NF1: variants seen among roughly 807,000 people sequenced by gnomAD.
The protein encoded by NF1 is neurofibromin 1.
A neutral mutation model predicts 325.7 loss-of-function variants in NF1; 122 were observed. The observed-to-expected ratio is 0.37, with a 90% CI of 0.32 to 0.44. The LOEUF is 0.44. Ranked by LOEUF, NF1 falls within the 20% of genes least tolerant of loss-of-function variation. The pLI, the probability that NF1 is intolerant of heterozygous loss-of-function variation, is 1.00. For missense variants in NF1, 2,140 were observed against 3,415.4 expected, an observed-to-expected ratio of 0.63 and a Z score of 9.31; for synonymous variants, 1,091 against 1,186.0, an observed-to-expected ratio of 0.92 and a Z score of 1.65.
intron 35 of NF1, among the ~76,000 whole-genome samples, chr17:31,263,100 T>C (rs1311670184): frequency 1.1e-5 from 1 of 93,176 alleles, no homozygotes; most frequent in African/African-American, 4.0e-5. Context: ...GGTAGGTAGG[T>C]AGGTAGGTAG....
chr17:31,226,806 G>A lies in NF1; in HGVS notation c.2251+122G>A, dbSNP rs190529255. ...CAGGGGAAATTCAAGTAGCTTACTT[G>A]AAATCCTTTTCTGAACAAAGTAAGA... On this transcript the variant is annotated intron_variant, in intron 18 of 57. Coordinates refer to ENST00000358273, the MANE Select transcript of NF1 (RefSeq NM_001042492.3). 9.8e-6 allele frequency: 13 copies of A among 1,321,852 alleles called. No homozygotes were observed. In the East Asian group the frequency reaches 3.0e-4, roughly 30 times the overall value. 81.9% of individuals were successfully genotyped at this position (1,321,852 alleles called of 1,614,324 possible).
At chr17:31,351,421 T>G (rs1238026879) in intron 50 of NF1, among the ~76,000 whole-genome samples, 1 of 152,184 alleles carries the variant, frequency 6.6e-6, no homozygotes, top group Non-Finnish European at 1.5e-5. Flanking sequence ...TATTTTTCTT[T>G]ATTAATTTTT....
At chr17:31,130,362 A>G (rs932720553) in intron 1 of NF1, among the ~76,000 whole-genome samples, 1 of 152,102 alleles carries the variant, frequency 6.6e-6, no homozygotes, top group African/African-American at 2.4e-5. Flanking sequence ...TGGCAGTGGA[A>G]TCAATTCTTG....
chr17:31,296,484 C>A, intron 36 of NF1: 2 of 751,942 alleles, frequency 2.7e-6, no homozygotes, highest in South Asian at 1.5e-5. Context: ...ACTAACAAAG[C>A]TCCCCTTCAT....
chr17:31,130,084 GT>G (rs57737463), intron 1 of NF1, among the ~76,000 whole-genome samples: 11 of 138,418 alleles, frequency 7.9e-5, no homozygotes, highest in South Asian at 2.2e-4. Context: ...GTTTTTTTTT[GT>G]TTTTTTTTTT....
intron 47 of NF1, among the ~76,000 whole-genome samples, chr17:31,340,857 AAAAC>A (rs1168245443): frequency 6.6e-6 from 1 of 151,512 alleles, no homozygotes; most frequent in Non-Finnish European, 1.5e-5. Context: ...CAAAAAAAAA[AAAAC>A]AAAAAAAAAA....
intron 2 of NF1, among the ~76,000 whole-genome samples, 174 bp from the exon 3 acceptor site, chr17:31,158,836 T>A (rs1420508742): frequency 6.6e-6 from 1 of 152,150 alleles, no homozygotes; most frequent in African/African-American, 2.4e-5. Context: ...CCTTAGACTT[T>A]AGTTTTTATG....
intron 8 of NF1, among the ~76,000 whole-genome samples, chr17:31,186,830 G>T (rs1394689551): frequency 6.6e-6 from 1 of 152,210 alleles, no homozygotes; most frequent in Non-Finnish European, 1.5e-5. Flanking sequence ...TAGCAACGTG[G>T]ACTTCACTCA....
intron 1 of NF1, among the ~76,000 whole-genome samples, chr17:31,126,183 C>T (rs1190563505): frequency 6.6e-6 from 1 of 150,612 alleles, no homozygotes; most frequent in Non-Finnish European, 1.5e-5. Flanking sequence ...AGCGACACTT[C>T]GTCTAAAAAA....
chr17:31,236,203 A>G (rs1225225423), intron 29 of NF1, among the ~76,000 whole-genome samples, 182 bp downstream of exon 29: 1 of 151,996 alleles, frequency 6.6e-6, no homozygotes, highest in East Asian at 1.9e-4. Flanking sequence ...TTTTTAAGGT[A>G]TCCTTTTATT....
At position 31,241,129 on chromosome 17, in the gene NF1, C is replaced by T. The variant is rs528139020; in HGVS notation, c.3974+5108C>T. Among the ~76,000 whole-genome samples, 15 of 152,290 alleles carry T rather than the reference C, an allele frequency of 9.8e-5. No individual in the cohort carries two copies. The East Asian group carries it at 1.7e-3, about 18-fold the overall frequency. ...CTGACCTCAAGCAATCCACCCGCCTCGGTCTCCCAAAGTGCTGAGATTACA... is the reference window on the plus strand; with the variant it reads ...CTGACCTCAAGCAATCCACCCGCCTTGGTCTCCCAAAGTGCTGAGATTACA... On this transcript the variant is annotated intron_variant, in intron 29 of 57. Transcript: ENST00000358273.
chr17:31,284,977 G>A (rs996005649), intron 36 of NF1, among the ~76,000 whole-genome samples: 6 of 152,052 alleles, frequency 3.9e-5, no homozygotes, highest in South Asian at 2.1e-4. Flanking sequence ...AAAATTAGCC[G>A]GGCATGCTTT....
chr17:31,328,913 T>C (rs2069413249), intron 38 of NF1, among the ~76,000 whole-genome samples: 1 of 152,234 alleles, frequency 6.6e-6, no homozygotes, highest in Non-Finnish European at 1.5e-5. Flanking sequence ...CTGTGACACC[T>C]GTCCTGGGTT....
intron 36 of NF1, among the ~76,000 whole-genome samples, chr17:31,287,243 AG>A (rs1486046645): frequency 6.6e-6 from 1 of 152,248 alleles, no homozygotes; most frequent in Non-Finnish European, 1.5e-5. Flanking sequence ...TACAAAGGAT[AG>A]TAATCATTAA....
intron 36 of NF1, among the ~76,000 whole-genome samples, chr17:31,287,859 C>T (rs192194150): frequency 1.9e-4 from 28 of 146,188 alleles, no homozygotes; most frequent in African/African-American, 7.1e-4. Flanking sequence ...CATATTCTCA[C>T]TCATAGGTGG....
chr17:31,106,000 C>T (rs936074199), intron 1 of NF1, among the ~76,000 whole-genome samples: 5 of 152,112 alleles, frequency 3.3e-5, no homozygotes, highest in Non-Finnish European at 7.3e-5. Context: ...CAGATAATGA[C>T]CTTTTGGGAA....
rs137966859 is a variant in NF1 at position 31,343,033 on chromosome 17, A to G, written c.7087A>G (p.Ile2363Val). The G allele has an allele frequency of 4.3e-6, 7 of 1,614,112 alleles. No homozygotes were observed. Among genetic ancestry groups the G allele is most frequent in the East Asian group, 2.2e-5 (1 of 44,864 alleles). The change falls in exon 48 of 58, where the codon ATC becomes GTC. Residue 2363 changes from isoleucine (I) to valine (V), a missense_variant. Ile to Val is a conservative substitution (Grantham distance 29). Coordinates refer to ENST00000358273, the MANE Select transcript of NF1 (RefSeq NM_001042492.3). ...DKSPEEVFMAIRNPLEWHCKQ... is the reference protein window; with the variant it reads ...DKSPEEVFMAVRNPLEWHCKQ... ...GAGTCCAGAGGAAGTATTTATGGCA[A>G]TCCGGAATCCTCTGGAGTGGCACTG...
At chr17:31,267,110 T>C (rs964210381) in intron 36 of NF1, among the ~76,000 whole-genome samples, 1 of 152,094 alleles carries the variant, frequency 6.6e-6, no homozygotes, top group African/African-American at 2.4e-5. Context: ...TTTGTATTTT[T>C]AGTAGAGATG....
intron 36 of NF1, chr17:31,318,169 A>T: frequency 1.8e-6 from 2 of 1,097,858 alleles, no homozygotes; most frequent in Non-Finnish European, 1.3e-6. Context: ...TCCCTGTCTC[A>T]CCTGCTTGAT....
Sources: allele counts gnomAD v4.1 joint callset (sites outside exome capture counted in the v4.1 genomes callset), GRCh38; gene constraint gnomAD v4.1.1; transcripts MANE v1.5; gene names NCBI Gene and HGNC (gene_info 2026-07-23, HGNC 2026-07-21).